The following PAPPA variants were observed in gnomAD, a reference collection of about 807,000 sequenced individuals.
The protein encoded by PAPPA is pappalysin-1.
Under a neutral mutation model 164.0 loss-of-function variants are expected in PAPPA, and 60 were observed. That is an observed-to-expected ratio of 0.37 (90% confidence interval 0.30 to 0.45). PAPPA has a LOEUF of 0.45. Among genes scored for constraint, PAPPA ranks in the 20% least tolerant of loss-of-function variants. The pLI, the probability that PAPPA is intolerant of heterozygous loss-of-function variation, is 1.00. For missense variants in PAPPA, 1,782 were observed against 2,087.3 expected (o/e 0.85, Z 2.85); for synonymous variants, 875 against 814.1 (o/e 1.07, Z -1.27).
At chr9:116,357,568 T>G (rs753770482) in intron 17 of PAPPA, among the ~76,000 whole-genome samples, 26 of 152,206 alleles carry the variant, frequency 1.7e-4, no homozygotes, top group Non-Finnish European at 3.1e-4. Flanking sequence ...TGATGTTCTT[T>G]CTGATCTCTA....
chr9:116,167,626 G>C (rs1587936043), intron 1 of PAPPA, among the ~76,000 whole-genome samples: 2 of 152,096 alleles, frequency 1.3e-5, no homozygotes, highest in East Asian at 3.9e-4. Context: ...GCAAATCTTG[G>C]AATTATGTGG....
At chr9:116,178,155 G>A (rs1843859432) in intron 1 of PAPPA, among the ~76,000 whole-genome samples, 1 of 152,198 alleles carries the variant, frequency 6.6e-6, no homozygotes, top group Non-Finnish European at 1.5e-5. Flanking sequence ...TGCCCAGGCT[G>A]GAATGCAGTG....
chr9:116,184,094 A>AT, intron 1 of PAPPA, among the ~76,000 whole-genome samples: 1 of 152,234 alleles, frequency 6.6e-6, no homozygotes, highest in Non-Finnish European at 1.5e-5. Context: ...AAGGCCATTC[A>AT]TTTTCTTTTC....
At chr9:116,165,219 C>T (rs947740402) in intron 1 of PAPPA, among the ~76,000 whole-genome samples, 18 of 152,188 alleles carry the variant, frequency 1.2e-4, no homozygotes, top group African/African-American at 4.3e-4. Flanking sequence ...ACTTTACACC[C>T]TTTCCCATAG....
At chr9:116,251,305 G>A (rs1361941902) in intron 7 of PAPPA, among the ~76,000 whole-genome samples, 3 of 152,290 alleles carry the variant, frequency 2.0e-5, no homozygotes, top group African/African-American at 4.8e-5. Context: ...CTAACTGCAC[G>A]CTGGTTTTCA....
Position 116,332,464 on chromosome 9 carries a change from T to C in PAPPA, c.3393T>C (p.Asp1131=), listed in dbSNP as rs1202056213. 1.2e-6 allele frequency: 2 copies of C among 1,612,614 alleles called. No individual in the cohort carries two copies. Among genetic ancestry groups the C allele is most frequent in the Admixed American group, 1.7e-5 (1 of 60,008 alleles). ...QLLDTKDQSH[D]LGLHVLSCRN... is the part of the protein sequence containing the mutation. ...TTGATACCAAAGATCAGAGCCACGA[T>C]CTAGGTAAGCATGCTCTCTTGGTCT... is the stretch of plus-strand genomic sequence containing the variant. Residue 1131 remains aspartate, a synonymous_variant, in exon 12 of 22, where the codon GAT becomes GAC. Transcript: ENST00000328252.
chr9:116,208,262 C>A (rs765143032), intron 3 of PAPPA, among the ~76,000 whole-genome samples: 1 of 152,208 alleles, frequency 6.6e-6, no homozygotes. Context: ...TCCATGCTCT[C>A]TTCCAGGACA....
chr9:116,275,690 T>C (rs2118833500), intron 9 of PAPPA, among the ~76,000 whole-genome samples: 1 of 152,142 alleles, frequency 6.6e-6, no homozygotes, highest in East Asian at 1.9e-4. Context: ...TGCCTCATAT[T>C]CTTCTCCTTT....
intron 13 of PAPPA, among the ~76,000 whole-genome samples, chr9:116,341,086 G>C (rs1424008526): frequency 6.6e-6 from 1 of 151,378 alleles, no homozygotes; most frequent in Non-Finnish European, 1.5e-5. Flanking sequence ...TGTTTCCCAG[G>C]CTGGAGTACA....
chr9:116,402,190 T>C lies in PAPPA; in HGVS notation c.*5574T>C, dbSNP rs929970405. The C allele has an allele frequency of 2.6e-5, 4 of 152,766 alleles. No individual in the cohort carries two copies. The highest frequency in any genetic ancestry group is 4.4e-5 in the Non-Finnish European group (3 of 68,030). The allele number at this position is 152,766 out of a possible 1,614,324, so 9.5% of individuals were successfully genotyped here. ...TTCTCATGGATTTGTTTTCCCATAC[T>C]GTTTTCTCTGATCTCAATTACAGGT... On this transcript the variant is annotated 3_prime_UTR_variant, in exon 22 of 22. Coordinates refer to ENST00000328252, the MANE Select transcript of PAPPA (RefSeq NM_002581.5).
At chr9:116,324,961 A>G (rs79149713) in intron 10 of PAPPA, among the ~76,000 whole-genome samples, 1 of 152,060 alleles carries the variant, frequency 6.6e-6, no homozygotes, top group East Asian at 1.9e-4. Context: ...CATGGGCAGC[A>G]TGGTGGGTGG....
At chr9:116,308,616 C>A (rs1023350317) in intron 10 of PAPPA, among the ~76,000 whole-genome samples, 1 of 152,220 alleles carries the variant, frequency 6.6e-6, no homozygotes, top group Non-Finnish European at 1.5e-5. Context: ...CTCAAGCCTG[C>A]TCCAATGACT....
In PAPPA at chr9:116,247,691, T is replaced by C. The variant is rs530323922; in HGVS notation, c.2732+12054T>C. Among the ~76,000 whole-genome samples, 3 of 152,158 alleles carry C rather than the reference T, an allele frequency of 2.0e-5. No individual in the cohort carries two copies. In the East Asian group the frequency reaches 5.8e-4, roughly 29 times the overall value. On this transcript the variant is annotated intron_variant, in intron 7 of 21. Transcript: ENST00000328252. ...GGAGGAATTTATCTCACACTGGGCA[T>C]TGGCAAGAGGAATGGACAAAATCTA... is the stretch of plus-strand genomic sequence containing the variant.
At chr9:116,232,903 G>T (rs1054665023) in intron 6 of PAPPA, among the ~76,000 whole-genome samples, 1 of 152,188 alleles carries the variant, frequency 6.6e-6, no homozygotes, top group Admixed American at 6.5e-5. Context: ...AGAAACTAGG[G>T]AGGAAGGATG....
At chr9:116,207,028 G>T (rs961156469) in intron 2 of PAPPA, among the ~76,000 whole-genome samples, 1 of 152,158 alleles carries the variant, frequency 6.6e-6, no homozygotes, top group Admixed American at 6.5e-5. Context: ...TACATGGGGA[G>T]ACCCTTTATT....
Position 116,289,325 on chromosome 9 carries a change from G to GCATATATATGGCATGTATATGC in PAPPA, c.2954-13423_2954-13422insGGCATGTATATGCCATATATAT, listed in dbSNP as rs1554748540. On this transcript the variant is annotated intron_variant, in intron 9 of 21. Coordinates refer to ENST00000328252, the MANE Select transcript of PAPPA (RefSeq NM_002581.5). Reference sequence around the variant, plus strand: ...ATAGCATATATATGGCATATATATGGCATATATATAGCATATATATGGCAT... The same window carrying GCATATATATGGCATGTATATGC: ...ATAGCATATATATGGCATATATATGGCATATATATGGCATGTATATGCCATATATATAGCATATATATGGCAT... Among the ~76,000 whole-genome samples the GCATATATATGGCATGTATATGC allele has an allele frequency of 2.8e-5, 2 of 70,346 alleles. 1 individual carries two copies. The highest frequency in any genetic ancestry group is 6.0e-5 in the Non-Finnish European group (2 of 33,374). 46.1% of individuals were successfully genotyped at this position (70,346 alleles called of 152,430 possible). A position where few individuals can be genotyped will look rare whatever the true frequency, so the allele number is the denominator to read the frequency against.
At chr9:116,195,171 CACAG>C (rs1844089120) in intron 2 of PAPPA, among the ~76,000 whole-genome samples, 1 of 152,100 alleles carries the variant, frequency 6.6e-6, no homozygotes, top group Non-Finnish European at 1.5e-5. Context: ...AGGGTTGATA[CACAG>C]ACATACAGAT....
intron 17 of PAPPA, among the ~76,000 whole-genome samples, chr9:116,355,405 C>T (rs546261887): frequency 2.6e-5 from 4 of 152,364 alleles, no homozygotes; most frequent in Non-Finnish European, 5.9e-5. Context: ...ATCCAGGTTC[C>T]CCTGTCTCCA....
chr9:116,244,208 G>C (rs1844769839), intron 7 of PAPPA, among the ~76,000 whole-genome samples: 1 of 152,102 alleles, frequency 6.6e-6, no homozygotes, highest in Non-Finnish European at 1.5e-5. Context: ...TCTCAATTTT[G>C]AAAGGGTGAA....
Sources: gnomAD v4.1 joint callset for allele counts (sites outside exome capture counted in the v4.1 genomes callset) on GRCh38, gnomAD v4.1.1 for gene constraint, MANE v1.5 for transcripts, NCBI Gene and HGNC (gene_info 2026-07-23, HGNC 2026-07-21) for gene names.